Variants in PDCL observed in about 807,000 individuals in gnomAD.
The protein encoded by PDCL is phosducin-like protein.
A neutral mutation model predicts 26.7 loss-of-function variants in PDCL; 11 were observed. The ratio of observed to expected loss-of-function variants is 0.41; its 90% CI spans 0.26 to 0.68. PDCL has a LOEUF of 0.68. Among genes scored for constraint, PDCL ranks in the 30% least tolerant of loss-of-function variants. PDCL has a pLI of 0.30. For synonymous variants in PDCL, 118 were observed against 134.9 expected, an observed-to-expected ratio of 0.87 and a Z score of 0.87; for missense variants, 330 against 371.6, an observed-to-expected ratio of 0.89 and a Z score of 0.92.
intron 3 of PDCL, among the ~76,000 whole-genome samples, chr9:122,822,233 T>C (rs1331740914): frequency 6.6e-6 from 1 of 152,048 alleles, no homozygotes; most frequent in Non-Finnish European, 1.5e-5. Context: ...AGAGAAACAG[T>C]GAATCCCTTT....
At chr9:122,821,254 C>T (rs1829551225) in intron 3 of PDCL, among the ~76,000 whole-genome samples, 6 of 152,132 alleles carry the variant, frequency 3.9e-5, no homozygotes, top group Admixed American at 3.9e-4. Flanking sequence ...ATCACATTTC[C>T]TCTCAATCCA....
chr9:122,822,172 C>A (rs1471068977), intron 3 of PDCL, among the ~76,000 whole-genome samples: 1 of 152,158 alleles, frequency 6.6e-6, no homozygotes, highest in Non-Finnish European at 1.5e-5. Context: ...TGGGCCATAA[C>A]TAAATGATCT....
rs1829572909 is a variant in PDCL at position 122,823,026 on chromosome 9, ATCT to A, written c.341_343del (p.Lys114del). 2 of 1,614,006 alleles carry A rather than the reference ATCT, an allele frequency of 1.2e-6. No homozygotes were observed. Among genetic ancestry groups the A allele is most frequent in the Non-Finnish European group, 1.7e-6 (2 of 1,179,946 alleles). ...AGTACTGCTAATTACCTTCCCACTG[ATCT>A]TCTCCTGGAGGTCTTTCTGTTTCTG... On this transcript the variant is annotated inframe_deletion, in exon 3 of 4. Coordinates refer to ENST00000259467, the MANE Select transcript of PDCL (RefSeq NM_005388.5).
At chr9:122,820,964 C>G (rs1407388744) in intron 3 of PDCL, 1 of 252,152 alleles carries the variant, frequency 4.0e-6, no homozygotes, top group Non-Finnish European at 7.7e-6. Flanking sequence ...CACCAGTGCA[C>G]TCCAGCCTGG....
chr9:122,822,285 C>T (rs1276063632), intron 3 of PDCL, among the ~76,000 whole-genome samples: 7 of 151,860 alleles, frequency 4.6e-5, no homozygotes, highest in Non-Finnish European at 8.8e-5. Flanking sequence ...CCGGGCACCA[C>T]GGCTCACGCC....
At chr9:122,827,932 T>C (rs1267179790) in intron 1 of PDCL, among the ~76,000 whole-genome samples, 1 of 152,070 alleles carries the variant, frequency 6.6e-6, no homozygotes, top group Non-Finnish European at 1.5e-5. Context: ...CAAGGAGTTC[T>C]TGAACGTAGG....
At position 122,820,144 on chromosome 9, in the gene PDCL, T is replaced by G. The variant is rs754516672; in HGVS notation, c.847A>C (p.Thr283Pro). Residue 283 changes from threonine to proline, a missense_variant, in exon 4 of 4, where the codon ACA (threonine) becomes CCA (proline). Physicochemically the swap from Thr to Pro is conservative, Grantham distance 38. Transcript: ENST00000259467. ...CACGTGGCAGAGTTACGCACAGATG[T>G]CAGCACCAAGACTTCCTTTTCTGGG... is the stretch of plus-strand genomic sequence containing the variant. Reference protein sequence around the residue: ...LLPEKEVLVLTSVRNSATCHS... With the variant: ...LLPEKEVLVLPSVRNSATCHS... 6.2e-6 allele frequency: 10 copies of G among 1,614,152 alleles called. No homozygotes were observed. Among genetic ancestry groups the G allele is most frequent in the Non-Finnish European group, 8.5e-6 (10 of 1,179,998 alleles).
In PDCL at chr9:122,819,725, C is replaced by A. The variant is rs117410735; in HGVS notation, c.*360G>T. 1.2e-5 allele frequency: 2 copies of A among 172,182 alleles called. No homozygotes were observed. Among genetic ancestry groups the A allele is most frequent in the Non-Finnish European group, 2.4e-5 (2 of 81,668 alleles). The allele number at this position is 172,182 out of a possible 1,614,324, so 10.7% of individuals were successfully genotyped here. The stretch of plus-strand genomic sequence containing the variant: ...TACGTTGCAAATAACACAATACCTA[C>A]AGAATTATACTCTCAGACTTGGCAG... On this transcript the variant is annotated 3_prime_UTR_variant, in exon 4 of 4. Transcript: ENST00000259467.
chr9:122,824,095 T>C (rs1300269899), intron 2 of PDCL, among the ~76,000 whole-genome samples: 1 of 152,202 alleles, frequency 6.6e-6, no homozygotes, highest in Non-Finnish European at 1.5e-5. Flanking sequence ...TAACAATTTT[T>C]TTATAACAAG....
chr9:122,825,919 G>A (rs1829618724), intron 2 of PDCL, among the ~76,000 whole-genome samples: 1 of 152,074 alleles, frequency 6.6e-6, no homozygotes, highest in Non-Finnish European at 1.5e-5. Flanking sequence ...AAATTAGCTG[G>A]GCACGGTGGC....
At chr9:122,821,497 A>C (rs1215790197) in intron 3 of PDCL, among the ~76,000 whole-genome samples, 2 of 152,194 alleles carry the variant, frequency 1.3e-5, no homozygotes, top group Admixed American at 1.3e-4. Flanking sequence ...CTTTTATAGC[A>C]GCAGCTGTGG....
At chr9:122,820,873 T>C (rs1829545424) in intron 3 of PDCL, 1 of 441,954 alleles carries the variant, frequency 2.3e-6, no homozygotes, top group Non-Finnish European at 4.0e-6. Context: ...TGTGCACCTG[T>C]GGTCCCAGCT....
chr9:122,821,917 T>C (rs368510300), intron 3 of PDCL, among the ~76,000 whole-genome samples: 1 of 152,104 alleles, frequency 6.6e-6, no homozygotes, highest in Non-Finnish European at 1.5e-5. Context: ...GAGATCACAC[T>C]AGATCAGAAC....
chr9:122,824,062 G>A (rs1486320844), intron 2 of PDCL, among the ~76,000 whole-genome samples: 2 of 152,146 alleles, frequency 1.3e-5, no homozygotes, highest in African/African-American at 4.8e-5. Flanking sequence ...ATGAGCCACC[G>A]CACCTGGCCT....
chr9:122,820,268 C>T lies in PDCL; in HGVS notation c.723G>A (p.Gly241=), dbSNP rs1829535860. The change falls in exon 4 of 4, where the codon GGG becomes GGA. Residue 241 remains glycine, a synonymous_variant. Transcript: ENST00000259467. ...GAACAAAATTGCCGATCAATTCACC[C>T]CCCTTATAGATCAGCAGGGCAGGAA... The part of the protein sequence containing the change: ...NALPALLIYK[G]GELIGNFVRV... 1 of 1,614,044 alleles carries T rather than the reference C, an allele frequency of 6.2e-7. No individual in the cohort carries two copies. The highest frequency in any genetic ancestry group is 1.3e-5 in the African/African-American group (1 of 74,910).
rs1173550432 is a variant in PDCL, at chr9:122,819,047, T to C, written c.*1038A>G. 3 of 152,058 alleles carry C rather than the reference T, an allele frequency of 2.0e-5. No homozygotes were observed. The highest frequency in any genetic ancestry group is 2.9e-5 in the Non-Finnish European group (2 of 67,992). 9.4% of individuals were successfully genotyped at this position (152,058 alleles called of 1,614,324 possible). On this transcript the variant is annotated 3_prime_UTR_variant, in exon 4 of 4. Transcript: ENST00000259467. ...TAATAATATAAAAAAAGGTCTGATATATTATTAGCTGACCATACTATAGAA... is the reference window on the plus strand; with the variant it reads ...TAATAATATAAAAAAAGGTCTGATACATTATTAGCTGACCATACTATAGAA...
intron 1 of PDCL, among the ~76,000 whole-genome samples, chr9:122,828,221 C>A (rs1163301596): frequency 6.6e-6 from 1 of 151,998 alleles, no homozygotes; most frequent in African/African-American, 2.4e-5. Flanking sequence ...GAGGGCGGGC[C>A]CCCTGGAGAC....
intron 2 of PDCL, 38 bp from the exon 3 acceptor site, chr9:122,823,235 G>C (rs1430031545): frequency 6.2e-7 from 1 of 1,603,946 alleles, no homozygotes; most frequent in Admixed American, 1.7e-5. Context: ...AAGGAGAATG[G>C]GCAGGGAATT....
At chr9:122,822,187 C>G (rs757993331) in intron 3 of PDCL, among the ~76,000 whole-genome samples, 10 of 152,162 alleles carry the variant, frequency 6.6e-5, no homozygotes, top group Non-Finnish European at 1.0e-4. Context: ...TGATCTCAGG[C>G]ACTCACAGAC....
Sources: allele counts gnomAD v4.1 joint callset (sites outside exome capture counted in the v4.1 genomes callset), GRCh38; gene constraint gnomAD v4.1.1; transcripts MANE v1.5; gene names NCBI Gene and HGNC (gene_info 2026-07-23, HGNC 2026-07-21).